The following PIAS1 variants were observed in gnomAD, a reference collection of about 807,000 sequenced individuals.
PIAS1 encodes the protein E3 SUMO-protein ligase PIAS1.
Under a neutral mutation model 71.3 loss-of-function variants are expected in PIAS1, and 6 were observed. The ratio of observed to expected loss-of-function variants is 0.08; its 90% CI spans 0.05 to 0.17. PIAS1 has a LOEUF of 0.17. PIAS1 is among the 10% of genes least tolerant of loss of function. The probability of loss-of-function intolerance (pLI) is 1.00; values close to 1 mark genes in which losing one functional copy is unlikely to be tolerated. For missense variants in PIAS1, 555 were observed against 793.6 expected (o/e 0.70, Z 3.61); for synonymous variants, 303 against 292.9 (o/e 1.03, Z -0.35).
intron 5 of PIAS1, 135 bp from the exon 6 acceptor site, chr15:68,146,431 T>A: frequency 1.5e-6 from 1 of 647,916 alleles, no homozygotes; most frequent in Admixed American, 2.9e-5. Flanking sequence ...AACTTGTAAA[T>A]GTTTGCTTCT....
At chr15:68,084,000 G>A (rs770961478) in intron 1 of PIAS1, among the ~76,000 whole-genome samples, 4 of 152,066 alleles carry the variant, frequency 2.6e-5, no homozygotes, top group Admixed American at 6.6e-5. Flanking sequence ...AATTGAGGGC[G>A]CTCAAGTTTA....
intron 2 of PIAS1, among the ~76,000 whole-genome samples, chr15:68,136,099 G>A (rs1487514119): frequency 9.0e-5 from 5 of 55,768 alleles, no homozygotes; most frequent in South Asian, 4.6e-4. Flanking sequence ...CCGGGAAGAG[G>A]CACTCCTCAC....
In PIAS1 at chr15:68,055,911, A is replaced by G. The variant is rs775647639; in HGVS notation, c.24+1561A>G. On this transcript the variant is annotated intron_variant, in intron 1 of 13. Coordinates refer to ENST00000249636, the MANE Select transcript of PIAS1 (RefSeq NM_016166.3). The stretch of plus-strand genomic sequence containing the variant: ...GTTTACACTCCAAGATTCGTATGTT[A>G]AGGTATTGGCTTTGAGTGTCATTCT... 5.7e-6 allele frequency: 4 copies of G among 701,446 alleles called. No individual in the cohort carries two copies. The South Asian group carries it at 5.9e-5, about 10-fold the overall frequency. The allele number at this position is 701,446 out of a possible 1,614,324, so 43.5% of individuals were successfully genotyped here. A position where few individuals can be genotyped will look rare whatever the true frequency, so the allele number is the denominator to read the frequency against.
chr15:68,181,280 G>C lies in PIAS1; in HGVS notation c.1550G>C (p.Ser517Thr), dbSNP rs2093052102. The C allele has an allele frequency of 1.2e-6, 2 of 1,613,212 alleles. No individual in the cohort carries two copies. The highest frequency in any genetic ancestry group is 1.7e-6 in the Non-Finnish European group (2 of 1,179,402). The change falls in exon 12 of 14, where the codon AGC becomes ACC. Residue 517 changes from serine (S) to threonine (T), a missense_variant. Transcript: ENST00000249636. The stretch of plus-strand genomic sequence containing the variant: ...CCAAGCCTTCCTGCTGTAGACACAA[G>C]CTACATTAATACCTCCCTCATCCAA... ...RTPSLPAVDTSYINTSLIQDY... is the reference protein window; with the variant it reads ...RTPSLPAVDTTYINTSLIQDY...
At chr15:68,106,389 CACAA>C (rs954524939) in intron 2 of PIAS1, among the ~76,000 whole-genome samples, 7 of 128,562 alleles carry the variant, frequency 5.4e-5, no homozygotes, top group African/African-American at 5.7e-5. Context: ...ACAAAAGAAA[CACAA>C]ACAAAAAAAC....
chr15:68,086,804 T>A lies in PIAS1; in HGVS notation c.469+54T>A. On this transcript the variant is annotated intron_variant, in intron 2 of 13. Coordinates refer to ENST00000249636, the MANE Select transcript of PIAS1 (RefSeq NM_016166.3). The surrounding 1 kb of genome is among the most constrained non-coding windows in gnomAD (Gnocchi z 7.2). ...TACTTTTGCAGGATGAATTTTCGTTTTAGGCTTTTACTTTGACCCAGTTTA... is the reference window on the plus strand; with the variant it reads ...TACTTTTGCAGGATGAATTTTCGTTATAGGCTTTTACTTTGACCCAGTTTA... The A allele has an allele frequency of 8.7e-7, 1 of 1,146,376 alleles. No individual in the cohort carries two copies. The highest frequency in any genetic ancestry group is 1.5e-5 in the African/African-American group (1 of 65,084). The allele number at this position is 1,146,376 out of a possible 1,614,324, so 71.0% of individuals were successfully genotyped here. A position where few individuals can be genotyped will look rare whatever the true frequency, so the allele number is the denominator to read the frequency against.
intron 7 of PIAS1, 39 bp downstream of exon 7, chr15:68,153,734 TG>T (rs1567066702): frequency 1.9e-6 from 2 of 1,059,484 alleles, no homozygotes; most frequent in Non-Finnish European, 2.9e-6. Flanking sequence ...TCAGCTATTT[TG>T]TTAAAGGTTA....
intron 1 of PIAS1, among the ~76,000 whole-genome samples, chr15:68,059,068 G>C (rs534171321): frequency 2.1e-5 from 3 of 143,992 alleles, no homozygotes; most frequent in Non-Finnish European, 4.5e-5. Flanking sequence ...GCAGTGGCGC[G>C]ATCTCGGCGC....
intron 1 of PIAS1, among the ~76,000 whole-genome samples, chr15:68,085,835 A>G (rs546960754): frequency 2.6e-5 from 4 of 152,356 alleles, no homozygotes; most frequent in East Asian, 1.9e-4. Context: ...GATAATAGCT[A>G]TTGATATCCT....
At chr15:68,129,045 A>T (rs2092671337) in intron 2 of PIAS1, among the ~76,000 whole-genome samples, 2 of 152,196 alleles carry the variant, frequency 1.3e-5, no homozygotes, top group South Asian at 4.1e-4. Flanking sequence ...TTTGTAACTT[A>T]TAAATATTAG....
chr15:68,074,746 T>TC (rs1189223350), intron 1 of PIAS1, among the ~76,000 whole-genome samples: 1 of 152,202 alleles, frequency 6.6e-6, no homozygotes, highest in Non-Finnish European at 1.5e-5. Context: ...ACTTTTTTTT[T>TC]CTTTTTGACA....
rs1235562331 is a variant in PIAS1 at position 68,185,953 on chromosome 15, G to A, written c.1663-1589G>A. On this transcript the variant is annotated intron_variant, in intron 13 of 13. Coordinates refer to ENST00000249636, the MANE Select transcript of PIAS1 (RefSeq NM_016166.3). This position sits in a 1 kb window ranked among gnomAD's most constrained non-coding sequence, Gnocchi z 4.4. ...TCTACTCCAACCTGGGTGGCAGAGC[G>A]AGACTCCATCTCAAAAACAAAACAA... 2.1e-5 allele frequency among the ~76,000 whole-genome samples: 3 copies of A among 146,066 alleles called. No homozygotes were observed. In the East Asian group the frequency reaches 5.8e-4, roughly 28 times the overall value.
At chr15:68,061,199 A>C (rs1352731045) in intron 1 of PIAS1, among the ~76,000 whole-genome samples, 1 of 152,244 alleles carries the variant, frequency 6.6e-6, no homozygotes, top group Non-Finnish European at 1.5e-5. Context: ...GTATTTATGT[A>C]ACGTTTTATC....
intron 1 of PIAS1, among the ~76,000 whole-genome samples, chr15:68,059,601 C>T (rs2091935124): frequency 6.6e-6 from 1 of 150,900 alleles, no homozygotes; most frequent in Non-Finnish European, 1.5e-5. Flanking sequence ...ATCTCAGCTA[C>T]TCAGGAGGCT....
chr15:68,157,685 A>C (rs2092900260), intron 7 of PIAS1, among the ~76,000 whole-genome samples: 1 of 152,186 alleles, frequency 6.6e-6, no homozygotes. Context: ...TAAGGGAAGC[A>C]TTCTAAATGT....
At chr15:68,108,651 A>G (rs1365585119) in intron 2 of PIAS1, among the ~76,000 whole-genome samples, 1 of 152,122 alleles carries the variant, frequency 6.6e-6, no homozygotes, top group Non-Finnish European at 1.5e-5. Flanking sequence ...TAACCTGTCT[A>G]AAACAACTTT....
chr15:68,148,404 A>G (rs1395193785), intron 6 of PIAS1, among the ~76,000 whole-genome samples: 2 of 152,074 alleles, frequency 1.3e-5, no homozygotes, highest in Non-Finnish European at 2.9e-5. Flanking sequence ...AGGGCATTGT[A>G]GGTAATGTTA....
intron 2 of PIAS1, among the ~76,000 whole-genome samples, chr15:68,095,099 A>G (rs749190579): frequency 6.6e-6 from 1 of 152,334 alleles, no homozygotes; most frequent in South Asian, 2.1e-4. Flanking sequence ...GAACCACTCT[A>G]TACAATTATA....
At chr15:68,183,544 C>G (rs768410057) in intron 12 of PIAS1, 86 bp from the exon 13 acceptor site, 3 of 633,082 alleles carry the variant, frequency 4.7e-6, no homozygotes, top group Non-Finnish European at 8.7e-6. Context: ...GCATATAAGA[C>G]TTGTATTTGT....
Sources: gnomAD v4.1 joint callset for allele counts (sites outside exome capture counted in the v4.1 genomes callset) on GRCh38, gnomAD v4.1.1 for gene constraint, Gnocchi (gnomAD v3.1) non-coding constraint, MANE v1.5 for transcripts, NCBI Gene and HGNC (gene_info 2026-07-23, HGNC 2026-07-21) for gene names.